DLG2: variants seen among roughly 807,000 people sequenced by gnomAD.
DLG2 encodes disks large homolog 2.
In DLG2, 45 loss-of-function variants were observed where a neutral mutation model predicts 132.5. The ratio of observed to expected loss-of-function variants is 0.34; its 90% CI spans 0.27 to 0.44. The LOEUF (loss-of-function observed/expected upper bound fraction) is 0.44. Among genes scored for constraint, DLG2 ranks in the 20% least tolerant of loss-of-function variants. The pLI is 1.00. For missense variants in DLG2, 1,045 were observed against 1,196.9 expected, an observed-to-expected ratio of 0.87 and a Z score of 1.87; for synonymous variants, 424 against 419.6, an observed-to-expected ratio of 1.01 and a Z score of -0.13.
intron 6 of DLG2, among the ~76,000 whole-genome samples, chr11:84,962,020 T>G (rs1371625139): frequency 6.6e-6 from 1 of 152,108 alleles, no homozygotes; most frequent in African/African-American, 2.4e-5. Flanking sequence ...AGGAAACAAA[T>G]GAAGAGACAA....
intron 4 of DLG2, among the ~76,000 whole-genome samples, chr11:85,194,942 A>C (rs1242702462): frequency 6.6e-6 from 1 of 152,200 alleles, no homozygotes; most frequent in Admixed American, 6.5e-5. Context: ...ATAAAGTTGG[A>C]AAGTACAAAA....
rs551997626 is a variant in DLG2, at chr11:85,065,316, T to A, written c.357+46345A>T. Among the ~76,000 whole-genome samples, 4 of 151,376 alleles carry A rather than the reference T, an allele frequency of 2.6e-5. No individual in the cohort carries two copies. The South Asian group carries it at 8.3e-4, about 31-fold the overall frequency. On this transcript the variant is annotated intron_variant, in intron 6 of 27. Transcript: ENST00000376104. ...TACCTAGTCTATGTAAAATGCAAAT[T>A]TGACTATGTTACTCCTTTTTTTTAA... is the stretch of plus-strand genomic sequence containing the variant.
At chr11:83,804,694 G>T (rs962236777) in intron 17 of DLG2, among the ~76,000 whole-genome samples, 3 of 151,738 alleles carry the variant, frequency 2.0e-5, no homozygotes, top group African/African-American at 7.3e-5. Context: ...CATCTTCCCA[G>T]TGTAAAGACA....
intron 6 of DLG2, among the ~76,000 whole-genome samples, chr11:85,110,026 G>A (rs1244508691): frequency 2.6e-5 from 4 of 152,030 alleles, no homozygotes; most frequent in Non-Finnish European, 5.9e-5. Context: ...CAGAATTTCT[G>A]CCATGTACCA....
At chr11:84,853,837 G>T (rs1311580989) in intron 6 of DLG2, among the ~76,000 whole-genome samples, 1 of 151,948 alleles carries the variant, frequency 6.6e-6, no homozygotes, top group Non-Finnish European at 1.5e-5. Context: ...GGTTATCTGA[G>T]GATTTTTATC....
chr11:84,865,058 C>T (rs2084340572), intron 6 of DLG2, among the ~76,000 whole-genome samples: 1 of 152,038 alleles, frequency 6.6e-6, no homozygotes. Flanking sequence ...TTGACAGTGG[C>T]CAGAGGTACC....
At chr11:83,821,591 T>A (rs2050806801) in intron 17 of DLG2, among the ~76,000 whole-genome samples, 1 of 152,332 alleles carries the variant, frequency 6.6e-6, no homozygotes, top group Non-Finnish European at 1.5e-5. Flanking sequence ...CTCTATTTCC[T>A]ATAAACACTA....
At chr11:84,001,193 AG>A (rs2094326737) in intron 11 of DLG2, among the ~76,000 whole-genome samples, 5 of 152,126 alleles carry the variant, frequency 3.3e-5, no homozygotes, top group Admixed American at 1.3e-4. Context: ...GCTGCCTATA[AG>A]AAACATACTT....
intron 19 of DLG2, among the ~76,000 whole-genome samples, chr11:83,611,974 C>G (rs1209744218): frequency 6.6e-6 from 1 of 152,234 alleles, no homozygotes; most frequent in Non-Finnish European, 1.5e-5. Flanking sequence ...CAGGTATAAA[C>G]ATGGGTGATA....
At chr11:85,617,492 T>G (rs779734019) in intron 2 of DLG2, among the ~76,000 whole-genome samples, 1 of 152,236 alleles carries the variant, frequency 6.6e-6, no homozygotes, top group Non-Finnish European at 1.5e-5. Flanking sequence ...TCCTAATATA[T>G]TTTAAGATTC....
chr11:85,294,182 TAGAG>T (rs1417596249), intron 3 of DLG2, among the ~76,000 whole-genome samples: 1 of 152,052 alleles, frequency 6.6e-6, no homozygotes, highest in African/African-American at 2.4e-5. Flanking sequence ...AAATAATAAA[TAGAG>T]TGAAATGTAA....
rs768420271 is a variant in DLG2 at position 84,420,650 on chromosome 11, C to CTTTTTTTTTTTTTTTTTTTTTT, written c.519+113898_519+113919dup. Among the ~76,000 whole-genome samples the CTTTTTTTTTTTTTTTTTTTTTT allele has an allele frequency of 9.5e-5, 4 of 42,208 alleles. 2 individuals carry two copies. Among genetic ancestry groups the CTTTTTTTTTTTTTTTTTTTTTT allele is most frequent in the Non-Finnish European group, 9.5e-5 (2 of 21,020 alleles). The allele number at this position is 42,208 out of a possible 152,430, so 27.7% of individuals were successfully genotyped here. ...CAGCACAGTGACCAATGCTTGTTTT[C>CTTTTTTTTTTTTTTTTTTTTTT]TTTTTTTTTTTTTTTTTTTTTTTTT... On this transcript the variant is annotated intron_variant, in intron 7 of 27. Coordinates refer to ENST00000376104, the MANE Select transcript of DLG2 (RefSeq NM_001142699.3).
intron 4 of DLG2, among the ~76,000 whole-genome samples, chr11:85,276,208 A>G (rs2077882176): frequency 2.0e-5 from 3 of 152,168 alleles, no homozygotes; most frequent in African/African-American, 4.8e-5. Flanking sequence ...TGACCTCCAT[A>G]TAACACAGGC....
At chr11:84,229,126 G>C (rs1195830720) in intron 8 of DLG2, among the ~76,000 whole-genome samples, 1 of 152,068 alleles carries the variant, frequency 6.6e-6, no homozygotes, top group Non-Finnish European at 1.5e-5. Flanking sequence ...TGTAAGAAAG[G>C]TCCAGATAAA....
chr11:84,278,741 T>G (rs183828910), intron 7 of DLG2, among the ~76,000 whole-genome samples: 1 of 152,266 alleles, frequency 6.6e-6, no homozygotes, highest in Admixed American at 6.5e-5. Context: ...ATGAATTTAT[T>G]CATATGTTGA....
chr11:84,108,205 G>C (rs1309350171), intron 9 of DLG2, among the ~76,000 whole-genome samples: 3 of 152,056 alleles, frequency 2.0e-5, no homozygotes, highest in Non-Finnish European at 4.4e-5. Context: ...GGAGCAACAG[G>C]CTGTGGATAT....
intron 19 of DLG2, among the ~76,000 whole-genome samples, chr11:83,615,089 A>G (rs1464215893): frequency 2.0e-5 from 3 of 152,162 alleles, no homozygotes; most frequent in Admixed American, 6.5e-5. Context: ...GTTCTTGCTT[A>G]TATCTTCATT....
intron 7 of DLG2, among the ~76,000 whole-genome samples, chr11:84,260,849 C>A (rs886527046): frequency 1.3e-5 from 2 of 152,144 alleles, no homozygotes; most frequent in African/African-American, 4.8e-5. Flanking sequence ...TGACTCACAC[C>A]GAGCTTTTAC....
intron 8 of DLG2, among the ~76,000 whole-genome samples, chr11:84,220,858 C>T (rs144614355): frequency 0.11 from 960 of 8,352 alleles, 11 homozygotes; most frequent in African/African-American, 0.27. Flanking sequence ...CACAGCTCAG[C>T]GCAGTTTTCA....
Sources: gnomAD v4.1 joint callset for allele counts (sites outside exome capture counted in the v4.1 genomes callset) on GRCh38, gnomAD v4.1.1 for gene constraint, MANE v1.5 for transcripts, NCBI Gene and HGNC (gene_info 2026-07-23, HGNC 2026-07-21) for gene names.